Variants in SF3B1 observed in about 807,000 individuals in gnomAD.
SF3B1 encodes splicing factor 3b subunit 1.
A neutral mutation model predicts 153.8 loss-of-function variants in SF3B1; 12 were observed. The observed-to-expected ratio is 0.08, with a 90% confidence interval of 0.05 to 0.13. SF3B1 has a LOEUF of 0.13. Among genes scored for constraint, SF3B1 ranks in the 10% least tolerant of loss-of-function variants. The probability of loss-of-function intolerance (pLI) is 1.00; values close to 1 mark genes in which losing one functional copy is unlikely to be tolerated. For missense variants in SF3B1, 513 were observed against 1,606.1 expected, an observed-to-expected ratio of 0.32 and a Z score of 11.63; for synonymous variants, 498 against 525.2, an observed-to-expected ratio of 0.95 and a Z score of 0.71.
chr2:197,394,252 T>C (rs1461674018), intron 23 of SF3B1, among the ~76,000 whole-genome samples: 2 of 152,188 alleles, frequency 1.3e-5, no homozygotes, highest in Non-Finnish European at 2.9e-5. Context: ...CCTCGCTATG[T>C]TGCCCAAGCT....
chr2:197,416,622 G>C, intron 6 of SF3B1, 119 bp downstream of exon 6: 1 of 819,706 alleles, frequency 1.2e-6, no homozygotes, highest in African/African-American at 1.7e-5. Flanking sequence ...AAAAATCAAT[G>C]TCTGTTGTTT....
intron 6 of SF3B1, among the ~76,000 whole-genome samples, chr2:197,412,490 G>A (rs1210432745): frequency 6.6e-6 from 1 of 151,284 alleles, no homozygotes; most frequent in Non-Finnish European, 1.5e-5. Flanking sequence ...TGAGTAGCTG[G>A]GATTACAGGT....
chr2:197,408,394 G>C lies in SF3B1; in HGVS notation c.1092C>G (p.Ala364=). The change falls in exon 8 of 25, where the codon GCC becomes GCG. Residue 364 remains alanine, a synonymous_variant. Transcript: ENST00000335508. The part of the protein sequence containing the change: ...TPGKTPIGTP[A]MNMATPTPGH... ...CTGGAGTAGGGGTAGCCATGTTCAT[G>C]GCTGGTGTGCCAATTGGTGTCTTTC... 6 of 1,614,128 alleles carry C rather than the reference G, an allele frequency of 3.7e-6. No homozygotes were observed. Among genetic ancestry groups the C allele is most frequent in the Non-Finnish European group, 5.1e-6 (6 of 1,180,018 alleles).
Position 197,392,280 on chromosome 2 carries a change from T to C in SF3B1, c.*23A>G. 3 of 988,778 alleles carry C rather than the reference T, an allele frequency of 3.0e-6. No individual in the cohort carries two copies. Among genetic ancestry groups the C allele is most frequent in the Non-Finnish European group, 4.8e-6 (3 of 626,516 alleles). The allele number at this position is 988,778 out of a possible 1,614,324, so 61.3% of individuals were successfully genotyped here. ...TTTAAGGTGTGAAGTAGCTGTGCAT[T>C]AAACACAAAATAAACAATAAAATTA... On this transcript the variant is annotated 3_prime_UTR_variant, in exon 25 of 25. Transcript: ENST00000335508.
intron 1 of SF3B1, among the ~76,000 whole-genome samples, chr2:197,431,051 A>C (rs1011178782): frequency 6.6e-6 from 1 of 150,660 alleles, no homozygotes; most frequent in Admixed American, 6.6e-5. Flanking sequence ...AAAACTATTT[A>C]ACTGCTCCCC....
chr2:197,398,366 A>G (rs2084899666), intron 21 of SF3B1, 95 bp downstream of exon 21: 3 of 1,280,270 alleles, frequency 2.3e-6, no homozygotes, highest in Admixed American at 3.7e-5. Context: ...TTACACTTAT[A>G]TTAGTGACAT....
intron 3 of SF3B1, 150 bp from the exon 4 acceptor site, chr2:197,420,692 A>C: frequency 1.8e-6 from 1 of 563,732 alleles, no homozygotes; most frequent in Non-Finnish European, 3.1e-6. Context: ...GTTAAATATA[A>C]AAAAATAAGG....
Position 197,401,324 on chromosome 2 carries a change from T to C in SF3B1, c.2496+76A>G, listed in dbSNP as rs1483287713. 16 of 1,307,600 alleles carry C rather than the reference T, an allele frequency of 1.2e-5. No individual in the cohort carries two copies. Among genetic ancestry groups the C allele is most frequent in the Admixed American group, 4.8e-5 (2 of 41,630 alleles). The allele number at this position is 1,307,600 out of a possible 1,614,324, so 81.0% of individuals were successfully genotyped here. ...GAGATAATCAAGGCAAAAAATAATATACAACATGCATTCAAGTTGACTAAA... is the reference window on the plus strand; with the variant it reads ...GAGATAATCAAGGCAAAAAATAATACACAACATGCATTCAAGTTGACTAAA... On this transcript the variant is annotated intron_variant, in intron 17 of 24. Transcript: ENST00000335508. The surrounding 1 kb of genome is among the most constrained non-coding windows in gnomAD (Gnocchi z 4.2).
At chr2:197,431,547 C>A (rs992638950) in intron 1 of SF3B1, among the ~76,000 whole-genome samples, 1 of 152,178 alleles carries the variant, frequency 6.6e-6, no homozygotes, top group African/African-American at 2.4e-5. Flanking sequence ...TTACATGTTA[C>A]ACAGATACTG....
In SF3B1 at chr2:197,392,572, G is replaced by GGGA. The variant is rs1553563312; in HGVS notation, c.3757-112_3757-111insTCC. 8.7e-6 allele frequency: 3 copies of GGGA among 345,588 alleles called. No homozygotes were observed. In the East Asian group the frequency reaches 2.1e-4, roughly 24 times the overall value. 21.4% of individuals were successfully genotyped at this position (345,588 alleles called of 1,614,324 possible). ...CAAAATTATTTCCCTTGGGGAGTTG[G>GGGA]GGGGGGGGGAACCTACTAATTACAC... On this transcript the variant is annotated intron_variant, in intron 24 of 24. Coordinates refer to ENST00000335508, the MANE Select transcript of SF3B1 (RefSeq NM_012433.4).
At chr2:197,423,495 C>A (rs758255230) in intron 2 of SF3B1, among the ~76,000 whole-genome samples, 13 of 152,046 alleles carry the variant, frequency 8.6e-5, no homozygotes, top group Non-Finnish European at 1.8e-4. Context: ...ACAATTAAGT[C>A]ACTTCTCACA....
intron 23 of SF3B1, 43 bp downstream of exon 23, chr2:197,396,013 A>C: frequency 2.0e-6 from 3 of 1,489,298 alleles, no homozygotes; most frequent in Non-Finnish European, 2.8e-6. Flanking sequence ...AAAATGAAGG[A>C]AGAGTTATAA....
intron 6 of SF3B1, among the ~76,000 whole-genome samples, chr2:197,411,493 G>A (rs1240586478): frequency 6.6e-6 from 1 of 151,642 alleles, no homozygotes; most frequent in African/African-American, 2.4e-5. Context: ...CTAACATGGT[G>A]AAACCCCGTC....
intron 5 of SF3B1, 47 bp from the exon 6 acceptor site, chr2:197,416,958 T>G (rs1197459159): frequency 6.4e-7 from 1 of 1,564,522 alleles, no homozygotes; most frequent in Admixed American, 1.8e-5. Flanking sequence ...TTCAATGTAT[T>G]TTTCTACCAT....
chr2:197,433,751 G>A (rs2085479066), intron 1 of SF3B1, among the ~76,000 whole-genome samples: 1 of 152,052 alleles, frequency 6.6e-6, no homozygotes, highest in Admixed American at 6.6e-5. Flanking sequence ...TTCTCTACTT[G>A]CACCCTCTGT....
At chr2:197,422,059 G>A (rs1352324610) in intron 2 of SF3B1, among the ~76,000 whole-genome samples, 1 of 152,076 alleles carries the variant, frequency 6.6e-6, no homozygotes, top group Admixed American at 6.6e-5. Context: ...GTGCAACACG[G>A]GGTAATTCTC....
intron 1 of SF3B1, among the ~76,000 whole-genome samples, chr2:197,424,885 C>A (rs371803041): frequency 3.3e-5 from 5 of 152,222 alleles, no homozygotes; most frequent in Non-Finnish European, 5.9e-5. Flanking sequence ...GCTGGCCGGG[C>A]GCGGTGGTCC....
chr2:197,430,741 A>G (rs1473628975), intron 1 of SF3B1, among the ~76,000 whole-genome samples: 1 of 152,200 alleles, frequency 6.6e-6, no homozygotes, highest in African/African-American at 2.4e-5. Context: ...GGCGTAAGCC[A>G]CCGTGCCCAG....
intron 6 of SF3B1, among the ~76,000 whole-genome samples, chr2:197,411,651 G>A (rs908564873): frequency 1.2e-4 from 18 of 150,512 alleles, no homozygotes; most frequent in African/African-American, 4.2e-4. Context: ...CAGGCTGAGC[G>A]ACAGAGTGAG....
Sources: allele counts gnomAD v4.1 joint callset (sites outside exome capture counted in the v4.1 genomes callset), GRCh38; gene constraint gnomAD v4.1.1; non-coding constraint Gnocchi (gnomAD v3.1); transcripts MANE v1.5; gene names NCBI Gene and HGNC (gene_info 2026-07-23, HGNC 2026-07-21).